Variants in MYO1H observed in about 807,000 individuals in gnomAD.
MYO1H encodes the protein unconventional myosin-Ih.
Under a neutral mutation model 149.3 loss-of-function variants are expected in MYO1H, and 118 were observed. The ratio of observed to expected loss-of-function variants is 0.79; its 90% CI spans 0.68 to 0.92. The LOEUF is 0.92. MYO1H is among the 40% of genes least tolerant of loss of function. MYO1H has a pLI of 0.00. For missense variants in MYO1H, 1,212 were observed against 1,280.7 expected, an observed-to-expected ratio of 0.95 and a Z score of 0.82; for synonymous variants, 447 against 465.2, an observed-to-expected ratio of 0.96 and a Z score of 0.50.
intron 1 of MYO1H, among the ~76,000 whole-genome samples, chr12:109,379,729 C>CTTTTTTTTT (rs35773327): frequency 9.7e-6 from 1 of 103,470 alleles, no homozygotes; most frequent in African/African-American, 3.6e-5. Context: ...CAATTTTAAC[C>CTTTTTTTTT]TTTTTTTTTT....
chr12:109,310,613 T>TG, the MYO1H span, among the ~76,000 whole-genome samples: 2 of 149,364 alleles, frequency 1.3e-5, no homozygotes, highest in Non-Finnish European at 3.0e-5. Context: ...CTGTGACTGT[T>TG]TTTTTTTTTT....
chr12:109,437,026 G>A (rs1277088805), intron 22 of MYO1H, among the ~76,000 whole-genome samples: 1 of 152,128 alleles, frequency 6.6e-6, no homozygotes, highest in Non-Finnish European at 1.5e-5. Flanking sequence ...GACTGTTTGA[G>A]CCCAGGAGGT....
At chr12:109,446,023 A>G (rs570163579) in intron 31 of MYO1H, 2 of 985,410 alleles carry the variant, frequency 2.0e-6, no homozygotes, top group Admixed American at 1.2e-4. Flanking sequence ...CTTAGGCTTC[A>G]GGATGCAAGA....
At chr12:109,408,065 C>T in intron 10 of MYO1H, 152 bp downstream of exon 10, 2 of 928,006 alleles carry the variant, frequency 2.2e-6, no homozygotes, top group Non-Finnish European at 3.3e-6. Flanking sequence ...CCATGTCTAG[C>T]ATACAGTATG....
At chr12:109,362,980 C>A (rs1468176671) in intron 1 of MYO1H, among the ~76,000 whole-genome samples, 2 of 152,126 alleles carry the variant, frequency 1.3e-5, no homozygotes, top group Non-Finnish European at 2.9e-5. Flanking sequence ...GTTGGAGAGT[C>A]CCTCGTTCAT....
In MYO1H at chr12:109,379,735, T is replaced by C. The variant is rs934642231; in HGVS notation, c.13-8948T>C. Among the ~76,000 whole-genome samples the C allele has an allele frequency of 2.4e-3, 343 of 141,776 alleles. 1 individual carries two copies. Among genetic ancestry groups the C allele is most frequent in the African/African-American group, 8.5e-3 (326 of 38,130 alleles). 93.0% of individuals were successfully genotyped at this position (141,776 alleles called of 152,430 possible). ...CTGTTTTAGCAATTTTAACCTTTTT[T>C]TTTTTTTTTTTTTTTTGAGATGGAG... On this transcript the variant is annotated intron_variant, in intron 1 of 31. Transcript: ENST00000310903.
intron 14 of MYO1H, among the ~76,000 whole-genome samples, chr12:109,412,403 C>T (rs548278178): frequency 6.6e-6 from 1 of 152,190 alleles, no homozygotes; most frequent in Non-Finnish European, 1.5e-5. Context: ...AGCGATCCAC[C>T]CATCTTGGCC....
chr12:109,331,470 G>T, the MYO1H span, among the ~76,000 whole-genome samples: 1 of 152,030 alleles, frequency 6.6e-6, no homozygotes, highest in African/African-American at 2.4e-5. Flanking sequence ...ACAGACTGGG[G>T]TGCGGTGGGG....
At chr12:109,347,503 TCAAA>T (rs772004279), upstream of MYO1H, among the ~76,000 whole-genome samples, 1 of 152,204 alleles carries the variant, frequency 6.6e-6, no homozygotes, top group Non-Finnish European at 1.5e-5. Flanking sequence ...GTAAAGTTTT[TCAAA>T]CAGAGCCAAC....
intron 19 of MYO1H, 62 bp from the exon 20 acceptor site, chr12:109,432,835 A>G (rs1044390676): frequency 7.1e-6 from 10 of 1,398,904 alleles, no homozygotes; most frequent in African/African-American, 1.4e-5. Flanking sequence ...GGGGCCGGGG[A>G]TGTGGGGGAG....
At chr12:109,412,106 T>A in intron 14 of MYO1H, 121 bp downstream of exon 14, 1 of 637,606 alleles carries the variant, frequency 1.6e-6, no homozygotes, top group Non-Finnish European at 2.6e-6. Context: ...TATCTTTATG[T>A]ATACCACTCA....
At chr12:109,329,501 T>C in the MYO1H span, among the ~76,000 whole-genome samples, 1 of 152,188 alleles carries the variant, frequency 6.6e-6, no homozygotes, top group South Asian at 2.1e-4. Context: ...TAACCAGTCA[T>C]CCTCAGTGGG....
the MYO1H span, among the ~76,000 whole-genome samples, chr12:109,332,642 A>G: frequency 1.3e-5 from 2 of 152,120 alleles, no homozygotes; most frequent in Non-Finnish European, 2.9e-5. Flanking sequence ...CAGTGGTGCA[A>G]TCCTAGCACA....
At chr12:109,339,161 T>G in the MYO1H span, among the ~76,000 whole-genome samples, 1 of 152,114 alleles carries the variant, frequency 6.6e-6, no homozygotes, top group African/African-American at 2.4e-5. Context: ...GATCAGGAGT[T>G]GGAGACCAGC....
intron 20 of MYO1H, among the ~76,000 whole-genome samples, chr12:109,433,327 G>C (rs979900071): frequency 6.6e-6 from 1 of 152,168 alleles, no homozygotes; most frequent in Non-Finnish European, 1.5e-5. Context: ...TTCTTTCACT[G>C]TTCCCATGTA....
chr12:109,421,263 CA>C (rs1297407989), intron 16 of MYO1H, among the ~76,000 whole-genome samples: 2 of 103,746 alleles, frequency 1.9e-5, no homozygotes, highest in Non-Finnish European at 4.0e-5. Context: ...CATCAGTGAA[CA>C]AGATGGAGCT....
chr12:109,440,551 T>A (rs1253115314), intron 24 of MYO1H, 193 bp from the exon 25 acceptor site: 1 of 559,368 alleles, frequency 1.8e-6, no homozygotes, highest in Non-Finnish European at 3.2e-6. Flanking sequence ...AGTTTGAGAA[T>A]CATTCGTTAA....
At chr12:109,393,030 C>T (rs1173002301) in intron 2 of MYO1H, among the ~76,000 whole-genome samples, 7 of 151,836 alleles carry the variant, frequency 4.6e-5, no homozygotes, top group East Asian at 2.0e-4. Context: ...AGGATGGTCT[C>T]GATCTCCTGA....
chr12:109,433,426 G>A (rs551964105), intron 20 of MYO1H, among the ~76,000 whole-genome samples: 4 of 152,318 alleles, frequency 2.6e-5, no homozygotes, highest in African/African-American at 7.2e-5. Flanking sequence ...ACTCTTAACT[G>A]TAGAGTTGTA....
Sources: gnomAD v4.1 joint callset for allele counts (sites outside exome capture counted in the v4.1 genomes callset) on GRCh38, gnomAD v4.1.1 for gene constraint, MANE v1.5 for transcripts, NCBI Gene and HGNC (gene_info 2026-07-23, HGNC 2026-07-21) for gene names.